The following KCNIP4 variants were observed in gnomAD, a reference collection of about 807,000 sequenced individuals.
KCNIP4 encodes the protein Kv channel-interacting protein 4.
Under a neutral mutation model 34.0 loss-of-function variants are expected in KCNIP4, and 12 were observed. The ratio of observed to expected loss-of-function variants is 0.35; its 90% confidence interval spans 0.23 to 0.57. KCNIP4 has a LOEUF of 0.57. KCNIP4 is among the 20% of genes least tolerant of loss of function. The probability of loss-of-function intolerance (pLI) is 0.83; values close to 1 mark genes in which losing one functional copy is unlikely to be tolerated. For missense variants in KCNIP4, 238 were observed against 311.7 expected (o/e 0.76, Z 1.78); for synonymous variants, 124 against 102.2 (o/e 1.21, Z -1.29).
chr4:20,923,654 G>T (rs1197561801), intron 1 of KCNIP4, among the ~76,000 whole-genome samples: 4 of 152,104 alleles, frequency 2.6e-5, no homozygotes, highest in Non-Finnish European at 5.9e-5. Flanking sequence ...CCTTTCCATG[G>T]ACTATGGTGA....
intron 1 of KCNIP4, among the ~76,000 whole-genome samples, chr4:21,321,477 T>C (rs1368179059): frequency 1.3e-5 from 2 of 151,914 alleles, no homozygotes; most frequent in Non-Finnish European, 2.9e-5. Flanking sequence ...TTCTACAAGA[T>C]AGAACTAGTA....
At chr4:21,134,824 T>C (rs201685947) in intron 1 of KCNIP4, among the ~76,000 whole-genome samples, 14 of 152,326 alleles carry the variant, frequency 9.2e-5, no homozygotes, top group Non-Finnish European at 1.9e-4. Context: ...GAAAGCCATA[T>C]TGTGAGTCAA....
intron 1 of KCNIP4, among the ~76,000 whole-genome samples, chr4:20,901,209 GAA>G (rs1470692557): frequency 6.6e-6 from 1 of 152,186 alleles, no homozygotes; most frequent in Non-Finnish European, 1.5e-5. Flanking sequence ...AGATAAGCAT[GAA>G]AAAGTTTAGG....
intron 5 of KCNIP4, among the ~76,000 whole-genome samples, chr4:20,743,402 G>A (rs1364354417): frequency 6.6e-6 from 1 of 152,264 alleles, no homozygotes; most frequent in African/African-American, 2.4e-5. Context: ...AAACAGCATG[G>A]TACTGGTACC....
At chr4:21,731,587 C>A (rs1362121746) in intron 1 of KCNIP4, among the ~76,000 whole-genome samples, 1 of 152,010 alleles carries the variant, frequency 6.6e-6, no homozygotes, top group Non-Finnish European at 1.5e-5. Flanking sequence ...TTTTTATCAC[C>A]ACCCCAGCAC....
rs1717705287 is a variant in KCNIP4 at position 20,825,963 on chromosome 4, TA to T, written c.288+24579del. 2.6e-5 allele frequency among the ~76,000 whole-genome samples: 4 copies of T among 151,818 alleles called. No individual in the cohort carries two copies. The East Asian group carries it at 7.7e-4, about 29-fold the overall frequency. ...GTGAAATGTCCAATTAGATAAATAC[TA>T]AAAAGTTTCCATTACGTTTTTAAAA... On this transcript the variant is annotated intron_variant, in intron 3 of 8. Coordinates refer to ENST00000382152, the MANE Select transcript of KCNIP4 (RefSeq NM_025221.6).
At chr4:21,365,815 G>T (rs1046725805) in intron 1 of KCNIP4, among the ~76,000 whole-genome samples, 16 of 152,132 alleles carry the variant, frequency 1.1e-4, no homozygotes, top group Non-Finnish European at 2.4e-4. Context: ...TTAAGGAAAT[G>T]TTCATATTCC....
intron 1 of KCNIP4, among the ~76,000 whole-genome samples, chr4:20,936,831 G>C (rs1731117032): frequency 6.6e-6 from 1 of 152,172 alleles, no homozygotes; most frequent in African/African-American, 2.4e-5. Context: ...CTGAAAAATG[G>C]CTAGCAATAA....
chr4:21,521,663 ATAT>A (rs1375050453), intron 1 of KCNIP4, among the ~76,000 whole-genome samples: 1 of 152,046 alleles, frequency 6.6e-6, no homozygotes, highest in African/African-American at 2.4e-5. Flanking sequence ...TGCCTCAAAA[ATAT>A]ATCTTGACTA....
chr4:21,178,899 C>T (rs1230786161), intron 1 of KCNIP4, among the ~76,000 whole-genome samples: 1 of 151,218 alleles, frequency 6.6e-6, no homozygotes, highest in Non-Finnish European at 1.5e-5. Context: ...CTCACTGCAG[C>T]CTTGACCTCC....
In KCNIP4 at chr4:21,017,243, A is replaced by G. The variant is rs192120445; in HGVS notation, c.62-134534T>C. 1.9e-3 allele frequency among the ~76,000 whole-genome samples: 289 copies of G among 152,336 alleles called. 6 individuals are homozygous for G. The South Asian group carries it at 0.053, about 28-fold the overall frequency. ...TGTGCAGGATATGCAGGTTTGTTAC[A>G]TAGGTAAATGTGTGCCTTAGTGGCT... On this transcript the variant is annotated intron_variant, in intron 1 of 8. Transcript: ENST00000382152.
intron 1 of KCNIP4, among the ~76,000 whole-genome samples, chr4:21,776,113 C>T (rs1374072979): frequency 6.6e-6 from 1 of 152,158 alleles, no homozygotes; most frequent in Non-Finnish European, 1.5e-5. Context: ...TTGCACAGTT[C>T]CGTGGAAAAA....
chr4:20,863,463 T>C (rs1722426611), intron 2 of KCNIP4, among the ~76,000 whole-genome samples: 1 of 152,216 alleles, frequency 6.6e-6, no homozygotes, highest in East Asian at 1.9e-4. Context: ...AAGTTCAGAC[T>C]CTTGCAGCCA....
At chr4:21,322,095 A>G (rs1033240654) in intron 1 of KCNIP4, among the ~76,000 whole-genome samples, 1 of 138,134 alleles carries the variant, frequency 7.2e-6, no homozygotes, top group Non-Finnish European at 1.6e-5. Context: ...GGAGGGAAGG[A>G]GAAAAAGAGG....
intron 1 of KCNIP4, among the ~76,000 whole-genome samples, chr4:20,926,806 A>G (rs142480005): frequency 1.4e-4 from 22 of 152,160 alleles, no homozygotes; most frequent in Non-Finnish European, 2.8e-4. Context: ...TCTTGTTACT[A>G]TATGGTATTT....
At chr4:21,869,168 G>A (rs559006729) in intron 1 of KCNIP4, among the ~76,000 whole-genome samples, 48 of 152,120 alleles carry the variant, frequency 3.2e-4, no homozygotes, top group Admixed American at 6.5e-4. Context: ...TGAGCATCCT[G>A]GGGGAGGGAG....
At chr4:20,874,870 A>G (rs978615377) in intron 2 of KCNIP4, among the ~76,000 whole-genome samples, 2 of 152,192 alleles carry the variant, frequency 1.3e-5, no homozygotes, top group African/African-American at 4.8e-5. Context: ...GATAGGGCCA[A>G]TTGGTATTAC....
chr4:21,377,194 G>C (rs1004252256), intron 1 of KCNIP4, among the ~76,000 whole-genome samples: 1 of 152,162 alleles, frequency 6.6e-6, no homozygotes, highest in African/African-American at 2.4e-5. Flanking sequence ...GATATGTAGA[G>C]CATACTACTC....
intron 1 of KCNIP4, among the ~76,000 whole-genome samples, chr4:21,269,760 G>C (rs1762029874): frequency 6.6e-6 from 1 of 152,186 alleles, no homozygotes; most frequent in African/African-American, 2.4e-5. Flanking sequence ...GAAATTTACA[G>C]GAAGAGAAGA....
Sources: gnomAD v4.1 joint callset for allele counts (sites outside exome capture counted in the v4.1 genomes callset) on GRCh38, gnomAD v4.1.1 for gene constraint, MANE v1.5 for transcripts, NCBI Gene and HGNC (gene_info 2026-07-23, HGNC 2026-07-21) for gene names.